Variants in PCDHB8 observed in about 807,000 individuals in gnomAD.
The protein encoded by PCDHB8 is protocadherin beta-8.
For missense variants in PCDHB8, 836 were observed against 1,004.0 expected (o/e 0.83, Z 2.26); for synonymous variants, 385 against 448.5 (o/e 0.86, Z 1.79).
Position 141,179,601 on chromosome 5 carries a change from G to A in PCDHB8, c.1567G>A (p.Glu523Lys). Reference sequence around the variant, plus strand: ...GTTCGCCCTCAGGTCGCTGGACTACGAGGCCCTGCAGGCGTTCGAGTTCCG... The same window carrying A: ...GTTCGCCCTCAGGTCGCTGGACTACAAGGCCCTGCAGGCGTTCGAGTTCCG... ...HLFALRSLDY[E>K]ALQAFEFRVG... The change falls in exon 1 of 1, where the codon GAG becomes AAG. Residue 523 changes from glutamate (E) to lysine (K), a missense_variant. Coordinates refer to ENST00000239444, the MANE Select transcript of PCDHB8 (RefSeq NM_019120.5). The A allele has an allele frequency of 1.2e-6, 2 of 1,613,454 alleles. No homozygotes were observed. Among genetic ancestry groups the A allele is most frequent in the East Asian group, 4.5e-5 (2 of 44,890 alleles).
Position 141,178,908 on chromosome 5 carries a change from A to G in PCDHB8, c.874A>G (p.Thr292Ala), listed in dbSNP as rs1554281045. 1 of 1,614,112 alleles carries G rather than the reference A, an allele frequency of 6.2e-7. No individual in the cohort carries two copies. Among genetic ancestry groups the G allele is most frequent in the African/African-American group, 1.3e-5 (1 of 74,934 alleles). ...LFQASDEISK[T>A]FKVDFLTGEI... is the part of the protein sequence containing the mutation. ...CCAAGCTTCAGATGAGATAAGCAAA[A>G]CTTTTAAGGTCGATTTCTTGACAGG... The change falls in exon 1 of 1, where the codon ACT becomes GCT. Residue 292 changes from threonine (T) to alanine (A), a missense_variant. Physicochemically the swap from Thr to Ala is moderately conservative, Grantham distance 58. Transcript: ENST00000239444.
Position 141,178,002 on chromosome 5 carries a change from C to G in PCDHB8, c.-33C>G. On this transcript the variant is annotated 5_prime_UTR_variant, in exon 1 of 1. Coordinates refer to ENST00000239444, the MANE Select transcript of PCDHB8 (RefSeq NM_019120.5). Reference sequence around the variant, plus strand: ...TGGGGACTTTACAGTCCCACAGAACCGTCCTCCCAGGAAGCTGAATTCAGC... The same window carrying G: ...TGGGGACTTTACAGTCCCACAGAACGGTCCTCCCAGGAAGCTGAATTCAGC... The G allele has an allele frequency of 6.2e-7, 1 of 1,613,784 alleles. No homozygotes were observed. The highest frequency in any genetic ancestry group is 8.5e-7 in the Non-Finnish European group (1 of 1,179,934).
At position 141,179,235 on chromosome 5, in the gene PCDHB8, T is replaced by G. The variant is rs1753469356; in HGVS notation, c.1201T>G (p.Phe401Val). ...PFLLKSSVGN[F>V]YTLLTETPLD... ...CCTCCTGAAATCTTCTGTGGGGAAC[T>G]TTTACACCCTACTAACAGAGACACC... is the stretch of plus-strand genomic sequence containing the variant. The change falls in exon 1 of 1, where the codon TTT (phenylalanine) becomes GTT (valine). Residue 401 changes from phenylalanine (F) to valine (V), a missense_variant. Physicochemically the swap from Phe to Val is conservative, Grantham distance 50. Coordinates refer to ENST00000239444, the MANE Select transcript of PCDHB8 (RefSeq NM_019120.5). The G allele has an allele frequency of 1.9e-6, 3 of 1,614,048 alleles. No individual in the cohort carries two copies. The South Asian group carries it at 3.3e-5, about 18-fold the overall frequency.
rs1554281048 is a variant in PCDHB8, at chr5:141,178,924, T to C, written c.890T>C (p.Phe297Ser). The change falls in exon 1 of 1, where the codon TTC (phenylalanine) becomes TCC (serine). Residue 297 changes from phenylalanine to serine, a missense_variant. Phe to Ser is a radical substitution (Grantham distance 155). Transcript: ENST00000239444. ...ATAAGCAAAACTTTTAAGGTCGATT[T>C]CTTGACAGGAGAAATTCGACTAAAG... is the stretch of plus-strand genomic sequence containing the variant. The part of the protein sequence containing the change: ...DEISKTFKVD[F>S]LTGEIRLKKQ... 3.1e-6 allele frequency: 5 copies of C among 1,614,264 alleles called. No homozygotes were observed. The highest frequency in any genetic ancestry group is 4.2e-6 in the Non-Finnish European group (5 of 1,180,050).
At position 141,180,288 on chromosome 5, in the gene PCDHB8, T is replaced by C. The variant is rs782055943; in HGVS notation, c.2254T>C (p.Tyr752His). ...GTGSLSQNYQYEVCLAGGSGT... is the reference protein window; with the variant it reads ...GTGSLSQNYQHEVCLAGGSGT... Reference sequence around the variant, plus strand: ...CGGGAGCCTGTCTCAGAACTATCAGTACGAGGTGTGCCTGGCAGGAGGCTC... The same window carrying C: ...CGGGAGCCTGTCTCAGAACTATCAGCACGAGGTGTGCCTGGCAGGAGGCTC... Residue 752 changes from tyrosine to histidine, a missense_variant, in exon 1 of 1, where the codon TAC (tyrosine) becomes CAC (histidine). By Grantham distance (83) the Tyr-to-His change is moderately conservative (BLOSUM62 2). Coordinates refer to ENST00000239444, the MANE Select transcript of PCDHB8 (RefSeq NM_019120.5). 3.7e-6 allele frequency: 6 copies of C among 1,613,842 alleles called. No individual in the cohort carries two copies. The highest frequency in any genetic ancestry group is 1.3e-5 in the African/African-American group (1 of 74,900).
chr5:141,180,086 C>A lies in PCDHB8; in HGVS notation c.2052C>A (p.Ala684=), dbSNP rs373119743. 5 of 1,610,234 alleles carry A rather than the reference C, an allele frequency of 3.1e-6. No homozygotes were observed. The South Asian group carries it at 4.4e-5, about 14-fold the overall frequency. The change falls in exon 1 of 1, where the codon GCC becomes GCA. Residue 684 remains alanine, a synonymous_variant. Transcript: ENST00000239444. The part of the protein sequence containing the change: ...LPEAAPAQGQ[A]DSLTVYLVVA... ...AGGCTGCCCCAGCCCAGGGCCAGGC[C>A]GACTCTCTCACCGTCTACCTGGTGG...
At position 141,179,865 on chromosome 5, in the gene PCDHB8, A is replaced by G. The variant is rs782435311; in HGVS notation, c.1831A>G (p.Thr611Ala). The part of the protein sequence containing the change: ...AWLSYQLLKA[T>A]EPGLFGVWAH... ...GCTGTCGTACCAGCTGCTCAAGGCC[A>G]CGGAGCCCGGGCTGTTCGGTGTGTG... Residue 611 changes from threonine (T) to alanine (A), a missense_variant, in exon 1 of 1, where the codon ACG becomes GCG. By Grantham distance (58) the Thr-to-Ala change is moderately conservative. Transcript: ENST00000239444. 1.6e-5 allele frequency: 25 copies of G among 1,609,900 alleles called. No individual in the cohort carries two copies. The highest frequency in any genetic ancestry group is 1.5e-5 in the Non-Finnish European group (18 of 1,179,668).
At position 141,179,954 on chromosome 5, in the gene PCDHB8, G is replaced by A. The variant is rs1469909387; in HGVS notation, c.1920G>A (p.Arg640=). 1.2e-6 allele frequency: 2 copies of A among 1,608,542 alleles called. No homozygotes were observed. ...LLSERDAAKQ[R]LVVLVKDNGE... Reference sequence around the variant, plus strand: ...GCGAGCGCGACGCGGCCAAGCAGAGGCTGGTGGTGCTGGTCAAGGACAATG... The same window carrying A: ...GCGAGCGCGACGCGGCCAAGCAGAGACTGGTGGTGCTGGTCAAGGACAATG... Residue 640 remains arginine, a synonymous_variant, in exon 1 of 1, where the codon AGG becomes AGA. Coordinates refer to ENST00000239444, the MANE Select transcript of PCDHB8 (RefSeq NM_019120.5).
Position 141,179,280 on chromosome 5 carries a change from G to A in PCDHB8, c.1246G>A (p.Ala416Thr), listed in dbSNP as rs141652960. The part of the protein sequence containing the change: ...TETPLDRESR[A>T]EYNVTITVTD... ...GACACCACTAGACAGAGAAAGCAGA[G>A]CCGAGTACAACGTCACTATCACCGT... The change falls in exon 1 of 1, where the codon GCC (alanine) becomes ACC (threonine). Residue 416 changes from alanine (A) to threonine (T), a missense_variant. Ala to Thr is a moderately conservative substitution (Grantham distance 58). Coordinates refer to ENST00000239444, the MANE Select transcript of PCDHB8 (RefSeq NM_019120.5). 98 of 1,613,992 alleles carry A rather than the reference G, an allele frequency of 6.1e-5. No individual in the cohort carries two copies. The highest frequency in any genetic ancestry group is 7.8e-5 in the Non-Finnish European group (92 of 1,179,938).
In PCDHB8 at chr5:141,177,795, C is replaced by T; in HGVS notation, c.-240C>T. On this transcript the variant is annotated 5_prime_UTR_variant, in exon 1 of 1. Transcript: ENST00000239444. ...GATCCTGTGAGGACCCGTGGTGGCG[C>T]TGCAGGATAAGAAGGCACAAACCAG... 1 of 633,342 alleles carries T rather than the reference C, an allele frequency of 1.6e-6. No individual in the cohort carries two copies. Among genetic ancestry groups the T allele is most frequent in the Admixed American group, 3.0e-5 (1 of 32,816 alleles). The allele number at this position is 633,342 out of a possible 1,614,324, so 39.2% of individuals were successfully genotyped here.
Position 141,180,374 on chromosome 5 carries a change from T to A in PCDHB8, c.2340T>A (p.Phe780Leu). ...TACCTAATATTCAGGGCCATTCTTT[T>A]GGGCCAGAAATGGAACAAAACTCTA... is the stretch of plus-strand genomic sequence containing the variant. Reference protein sequence around the residue: ...PVLPNIQGHSFGPEMEQNSNF... With the variant: ...PVLPNIQGHSLGPEMEQNSNF... Residue 780 changes from phenylalanine to leucine, a missense_variant, in exon 1 of 1, where the codon TTT becomes TTA. Coordinates refer to ENST00000239444, the MANE Select transcript of PCDHB8 (RefSeq NM_019120.5). 3 of 1,613,078 alleles carry A rather than the reference T, an allele frequency of 1.9e-6. No homozygotes were observed. The highest frequency in any genetic ancestry group is 1.7e-4 in the Middle Eastern group (1 of 6,050).
In PCDHB8 at chr5:141,180,047, C is replaced by T. The variant is rs139550075; in HGVS notation, c.2013C>T (p.Tyr671=). The T allele has an allele frequency of 6.2e-7, 1 of 1,609,710 alleles. No homozygotes were observed. Among genetic ancestry groups the T allele is most frequent in the Non-Finnish European group, 8.5e-7 (1 of 1,179,824 alleles). The change falls in exon 1 of 1, where the codon TAC becomes TAT. Residue 671 remains tyrosine, a synonymous_variant. Coordinates refer to ENST00000239444, the MANE Select transcript of PCDHB8 (RefSeq NM_019120.5). ...VLLVDGFSQP[Y]LPLPEAAPAQ... ...TGGTGGACGGCTTCTCCCAGCCCTA[C>T]CTGCCGCTTCCGGAGGCTGCCCCAG...
chr5:141,180,464 A>C lies in PCDHB8; in HGVS notation c.*24A>C, dbSNP rs1753536908. On this transcript the variant is annotated 3_prime_UTR_variant, in exon 1 of 1. Coordinates refer to ENST00000239444, the MANE Select transcript of PCDHB8 (RefSeq NM_019120.5). The stretch of plus-strand genomic sequence containing the variant: ...AATTGATTTCATATTATATATTTTA[A>C]TTTTTATGATCAATTCAAAGGAATG... 5 of 1,426,404 alleles carry C rather than the reference A, an allele frequency of 3.5e-6. No individual in the cohort carries two copies. The Admixed American group carries it at 7.3e-5, about 21-fold the overall frequency. 88.4% of individuals were successfully genotyped at this position (1,426,404 alleles called of 1,614,324 possible). A position where few individuals can be genotyped will look rare whatever the true frequency, so the allele number is the denominator to read the frequency against.
rs1753468822 is a variant in PCDHB8 at position 141,179,221 on chromosome 5, C to A, written c.1187C>A (p.Ser396Tyr). 1 of 1,614,092 alleles carries A rather than the reference C, an allele frequency of 6.2e-7. No individual in the cohort carries two copies. Among genetic ancestry groups the A allele is most frequent in the Admixed American group, 1.7e-5 (1 of 60,008 alleles). ...GAGGATCTACCCTTCCTCCTGAAATCTTCTGTGGGGAACTTTTACACCCTA... is the reference window on the plus strand; with the variant it reads ...GAGGATCTACCCTTCCTCCTGAAATATTCTGTGGGGAACTTTTACACCCTA... ...IQEDLPFLLK[S>Y]SVGNFYTLLT... The change falls in exon 1 of 1, where the codon TCT becomes TAT. Residue 396 changes from serine (S) to tyrosine (Y), a missense_variant. By Grantham distance (144) the Ser-to-Tyr change is moderately radical. Coordinates refer to ENST00000239444, the MANE Select transcript of PCDHB8 (RefSeq NM_019120.5).
Position 141,180,179 on chromosome 5 carries a change from T to A in PCDHB8, c.2145T>A (p.Cys715Ter). ...SVLLFVAVLL[C>*]RRSRAASVGR... ...TCCTGTTCGTGGCGGTGCTGCTGTG[T>A]AGGAGGAGCAGGGCGGCCTCGGTGG... The change falls in exon 1 of 1, where the codon TGT becomes TGA. Residue 715 changes from cysteine (C) to a stop codon, truncating the protein, a stop_gained. Coordinates refer to ENST00000239444, the MANE Select transcript of PCDHB8 (RefSeq NM_019120.5). LOFTEE classifies it low-confidence loss of function (END_TRUNC). The A allele has an allele frequency of 6.2e-7, 1 of 1,612,516 alleles. No homozygotes were observed.
At position 141,180,480 on chromosome 5, in the gene PCDHB8, C is replaced by G; in HGVS notation, c.*40C>G. The G allele has an allele frequency of 7.4e-7, 1 of 1,350,680 alleles. No homozygotes were observed. Among genetic ancestry groups the G allele is most frequent in the Non-Finnish European group, 9.9e-7 (1 of 1,014,542 alleles). The allele number at this position is 1,350,680 out of a possible 1,614,324, so 83.7% of individuals were successfully genotyped here. A position where few individuals can be genotyped will look rare whatever the true frequency, so the allele number is the denominator to read the frequency against. On this transcript the variant is annotated 3_prime_UTR_variant, in exon 1 of 1. Transcript: ENST00000239444. ...TATATTTTAATTTTTATGATCAATT[C>G]AAAGGAATGGTTTTCTGTCAACTTA...
chr5:141,180,181 G>T lies in PCDHB8; in HGVS notation c.2147G>T (p.Arg716Met). The T allele has an allele frequency of 6.2e-7, 1 of 1,612,582 alleles. No homozygotes were observed. ...CTGTTCGTGGCGGTGCTGCTGTGTA[G>T]GAGGAGCAGGGCGGCCTCGGTGGGT... ...VLLFVAVLLC[R>M]RSRAASVGRC... Residue 716 changes from arginine (R) to methionine (M), a missense_variant, in exon 1 of 1, where the codon AGG (arginine) becomes ATG (methionine). By Grantham distance (91) the Arg-to-Met change is moderately conservative (BLOSUM62 -1). Coordinates refer to ENST00000239444, the MANE Select transcript of PCDHB8 (RefSeq NM_019120.5).
In PCDHB8 at chr5:141,179,911, G is replaced by A. The variant is rs1336984984; in HGVS notation, c.1877G>A (p.Arg626His). 1.2e-5 allele frequency: 19 copies of A among 1,609,128 alleles called. No individual in the cohort carries two copies. The highest frequency in any genetic ancestry group is 1.6e-5 in the Non-Finnish European group (19 of 1,179,650). Residue 626 changes from arginine to histidine, a missense_variant, in exon 1 of 1, where the codon CGC (arginine) becomes CAC (histidine). By Grantham distance (29) the Arg-to-His change is conservative. Transcript: ENST00000239444. The part of the protein sequence containing the change: ...FGVWAHNGEV[R>H]TARLLSERDA... Reference sequence around the variant, plus strand: ...GTGTGGGCGCACAATGGCGAGGTGCGCACCGCCAGGCTGCTGAGCGAGCGC... The same window carrying A: ...GTGTGGGCGCACAATGGCGAGGTGCACACCGCCAGGCTGCTGAGCGAGCGC...
rs782225644 is a variant in PCDHB8, at chr5:141,179,228, G to A, written c.1194G>A (p.Val398=). 2.5e-6 allele frequency: 4 copies of A among 1,614,170 alleles called. No homozygotes were observed. Among genetic ancestry groups the A allele is most frequent in the Non-Finnish European group, 3.4e-6 (4 of 1,180,040 alleles). Residue 398 remains valine, a synonymous_variant, in exon 1 of 1, where the codon GTG becomes GTA. Coordinates refer to ENST00000239444, the MANE Select transcript of PCDHB8 (RefSeq NM_019120.5). ...EDLPFLLKSS[V]GNFYTLLTET... is the part of the protein sequence containing the mutation. ...TACCCTTCCTCCTGAAATCTTCTGT[G>A]GGGAACTTTTACACCCTACTAACAG...
Sources: allele counts gnomAD v4.1 joint callset, GRCh38; gene constraint gnomAD v4.1.1; transcripts MANE v1.5; gene names NCBI Gene and HGNC (gene_info 2026-07-23, HGNC 2026-07-21).